SYNE1: variants seen among roughly 807,000 people sequenced by gnomAD.
SYNE1 encodes the protein nesprin-1.
Under a neutral mutation model 1,111.0 loss-of-function variants are expected in SYNE1, and 616 were observed. The observed-to-expected ratio is 0.55, with a 90% CI of 0.52 to 0.59. The LOEUF is 0.59. Ranked by LOEUF, SYNE1 falls within the 20% of genes least tolerant of loss-of-function variation. The pLI is 0.00. For synonymous variants in SYNE1, 3,855 were observed against 3,825.8 expected, an observed-to-expected ratio of 1.01 and a Z score of -0.28; for missense variants, 10,006 against 10,417.0, an observed-to-expected ratio of 0.96 and a Z score of 1.72.
At chr6:152,386,638 A>C (rs2097530294) in intron 54 of SYNE1, among the ~76,000 whole-genome samples, 1 of 152,208 alleles carries the variant, frequency 6.6e-6, no homozygotes, top group African/African-American at 2.4e-5. Context: ...TACTTTGGAA[A>C]ATAGAAACCG....
chr6:152,534,271 T>A (rs1185203176), intron 4 of SYNE1, among the ~76,000 whole-genome samples: 1 of 152,112 alleles, frequency 6.6e-6, no homozygotes, highest in Non-Finnish European at 1.5e-5. Context: ...ATTAGCAAAA[T>A]GTTTATTAGT....
chr6:152,628,137 A>T, intron 3 of SYNE1, 128 bp downstream of exon 3: 1 of 995,008 alleles, frequency 1.0e-6, no homozygotes, highest in Non-Finnish European at 1.6e-6. Flanking sequence ...AAAACACTGG[A>T]ATAAAGACAT....
rs748107456 is a variant in SYNE1 at position 152,453,728 on chromosome 6, G to A, written c.2893-8C>T. 6 of 1,614,154 alleles carry A rather than the reference G, an allele frequency of 3.7e-6. No individual in the cohort carries two copies. The highest frequency in any genetic ancestry group is 3.3e-5 in the South Asian group (3 of 91,076). ...CAGCTGACTGAAAAACTCCTGACAT[G>A]GAAGGGGAAAGTGGGTAAGAGTGTT... On this transcript the variant is annotated splice_polypyrimidine_tract_variant and splice_region_variant and intron_variant, in intron 24 of 145. Transcript: ENST00000367255.
intron 3 of SYNE1, among the ~76,000 whole-genome samples, chr6:152,550,407 C>A (rs1527368): frequency 0.64 from 97,390 of 151,896 alleles, 31,907 homozygotes; most frequent in African/African-American, 0.75. Context: ...AAAAATATTA[C>A]AATTTACCAA....
chr6:152,212,643 C>T (rs117270970), intron 123 of SYNE1, among the ~76,000 whole-genome samples: 1,677 of 152,158 alleles, frequency 0.011, 17 homozygotes, highest in Non-Finnish European at 0.017. Flanking sequence ...TGAGTATATA[C>T]CTAGGAGTGG....
Position 152,392,462 on chromosome 6 carries a change from C to G in SYNE1, c.7713-894G>C, listed in dbSNP as rs1030940115. The stretch of plus-strand genomic sequence containing the variant: ...TATCTGCACATTTACCAGGAAAAAG[C>G]CCAGGATATCAGAGGGTAGCATGGG... On this transcript the variant is annotated intron_variant, in intron 51 of 145. Transcript: ENST00000367255. 2.0e-5 allele frequency among the ~76,000 whole-genome samples: 3 copies of G among 152,024 alleles called. No individual in the cohort carries two copies. In the East Asian group the frequency reaches 5.8e-4, roughly 29 times the overall value.
chr6:152,411,709 T>TCACA (rs778760518), intron 42 of SYNE1, among the ~76,000 whole-genome samples: 3 of 122,356 alleles, frequency 2.5e-5, no homozygotes, highest in Admixed American at 1.5e-4. Context: ...GCACTTAAAG[T>TCACA]CACACACACA....
At chr6:152,404,964 A>G (rs1021390904) in intron 45 of SYNE1, 1 of 152,432 alleles carries the variant, frequency 6.6e-6, no homozygotes, top group Middle Eastern at 3.4e-3. Context: ...ATTCCTCTCA[A>G]AAATGGTATT....
In SYNE1 at chr6:152,219,244, G is replaced by T. The variant is rs1040762614; in HGVS notation, c.21862-59C>A. The T allele has an allele frequency of 1.3e-5, 19 of 1,519,866 alleles. No homozygotes were observed. The African/African-American group carries it at 2.5e-4, about 20-fold the overall frequency. The allele number at this position is 1,519,866 out of a possible 1,614,324, so 94.1% of individuals were successfully genotyped here. ...ATGTTGATACTCCTTATCATAAACAGCAATCGGCAAAGGGCTACACATGTA... is the reference window on the plus strand; with the variant it reads ...ATGTTGATACTCCTTATCATAAACATCAATCGGCAAAGGGCTACACATGTA... On this transcript the variant is annotated intron_variant, in intron 119 of 145. Coordinates refer to ENST00000367255, the MANE Select transcript of SYNE1 (RefSeq NM_182961.4).
At chr6:152,333,973 A>C in intron 77 of SYNE1, 35 bp downstream of exon 77, 1 of 1,614,028 alleles carries the variant, frequency 6.2e-7, no homozygotes, top group African/African-American at 1.3e-5. Context: ...TGTCTGGCTT[A>C]GCATTTTGGT....
intron 12 of SYNE1, among the ~76,000 whole-genome samples, chr6:152,486,761 T>G (rs530361238): frequency 1.5e-4 from 23 of 152,334 alleles, no homozygotes; most frequent in African/African-American, 5.5e-4. Context: ...TTGACAAATA[T>G]AATATTGATG....
chr6:152,528,373 T>TA (rs143503387), intron 4 of SYNE1, among the ~76,000 whole-genome samples: 1,825 of 152,122 alleles, frequency 0.012, 22 homozygotes, highest in Non-Finnish European at 0.02. Flanking sequence ...TACACCAGAA[T>TA]AAAAAAAATT....
intron 3 of SYNE1, among the ~76,000 whole-genome samples, chr6:152,566,195 A>C (rs1256293967): frequency 2.0e-5 from 3 of 152,252 alleles, no homozygotes; most frequent in Admixed American, 2.0e-4. Context: ...GTGAAAAACC[A>C]AGGTTAAGCA....
At position 152,461,584 on chromosome 6, in the gene SYNE1, A is replaced by AT. The variant is rs1434806037; in HGVS notation, c.2394+12dup. 6.2e-7 allele frequency: 1 copy of AT among 1,613,926 alleles called. No homozygotes were observed. Among genetic ancestry groups the AT allele is most frequent in the African/African-American group, 1.3e-5 (1 of 75,022 alleles). The stretch of plus-strand genomic sequence containing the variant: ...TGTCACACAGCCTATTGTGCATTAA[A>AT]TTATTTTCGCACCTTGGTTAGCTGC... On this transcript the variant is annotated intron_variant, in intron 21 of 145. Transcript: ENST00000367255.
intron 124 of SYNE1, among the ~76,000 whole-genome samples, chr6:152,210,645 T>C (rs1321224990): frequency 6.6e-6 from 1 of 152,184 alleles, no homozygotes; most frequent in Non-Finnish European, 1.5e-5. Flanking sequence ...CAAATTAATT[T>C]TAGTCACAAC....
Position 152,221,141 on chromosome 6 carries a change from A to G in SYNE1, c.21657-95T>C, listed in dbSNP as rs1407105682. The G allele has an allele frequency of 2.8e-5, 36 of 1,285,966 alleles. No individual in the cohort carries two copies. The South Asian group carries it at 4.3e-4, about 15-fold the overall frequency. The allele number at this position is 1,285,966 out of a possible 1,614,324, so 79.7% of individuals were successfully genotyped here. A position where few individuals can be genotyped will look rare whatever the true frequency, so the allele number is the denominator to read the frequency against. On this transcript the variant is annotated intron_variant, in intron 118 of 145. Transcript: ENST00000367255. ...TTTTTCATGATCCTGGTTCATGTGAATATAGACATAATCATTTCTAGTTAA... is the reference window on the plus strand; with the variant it reads ...TTTTTCATGATCCTGGTTCATGTGAGTATAGACATAATCATTTCTAGTTAA...
At chr6:152,423,862 G>C (rs2098309479) in intron 39 of SYNE1, among the ~76,000 whole-genome samples, 1 of 152,128 alleles carries the variant, frequency 6.6e-6, no homozygotes, top group Non-Finnish European at 1.5e-5. Flanking sequence ...GTGTGGGTCT[G>C]TTTCCTGCAC....
In SYNE1 at chr6:152,300,667, C is replaced by T. The variant is rs774189380; in HGVS notation, c.17656G>A (p.Ala5886Thr). The T allele has an allele frequency of 4.3e-6, 7 of 1,614,038 alleles. No individual in the cohort carries two copies. Among genetic ancestry groups the T allele is most frequent in the African/African-American group, 1.3e-5 (1 of 74,902 alleles). The change falls in exon 93 of 146, where the codon GCT (alanine) becomes ACT (threonine). Residue 5886 changes from alanine to threonine, a missense_variant. Transcript: ENST00000367255. Reference sequence around the variant, plus strand: ...TGGTTAACAGAAGCATCTGTATTAGCCACAGGTGAAGGGGAGCGACAGGCA... The same window carrying T: ...TGGTTAACAGAAGCATCTGTATTAGTCACAGGTGAAGGGGAGCGACAGGCA... The part of the protein sequence containing the change: ...PPACRSPSPV[A>T]NTDASVNQDI...
chr6:152,339,867 C>T (rs937177111), intron 74 of SYNE1, among the ~76,000 whole-genome samples: 2 of 152,166 alleles, frequency 1.3e-5, no homozygotes, highest in African/African-American at 4.8e-5. Flanking sequence ...CCAAGAAAGG[C>T]TTCTCCAGGT....
Sources: gnomAD v4.1 joint callset for allele counts (sites outside exome capture counted in the v4.1 genomes callset) on GRCh38, gnomAD v4.1.1 for gene constraint, MANE v1.5 for transcripts, NCBI Gene and HGNC (gene_info 2026-07-23, HGNC 2026-07-21) for gene names.